The following RBPJ variants were observed in gnomAD, a reference collection of about 807,000 sequenced individuals.
RBPJ encodes recombining binding protein suppressor of hairless.
A neutral mutation model predicts 67.8 loss-of-function variants in RBPJ; 9 were observed. The observed-to-expected ratio is 0.13, with a 90% CI of 0.08 to 0.23. The LOEUF is 0.23. Among genes scored for constraint, RBPJ ranks in the 10% least tolerant of loss-of-function variants. The pLI is 1.00. For missense variants in RBPJ, 305 were observed against 595.6 expected (o/e 0.51, Z 5.08); for synonymous variants, 198 against 203.3 (o/e 0.97, Z 0.22).
At chr4:26,287,455 G>A (rs1477627786) in intron 1 of RBPJ, among the ~76,000 whole-genome samples, 1 of 151,078 alleles carries the variant, frequency 6.6e-6, no homozygotes, top group South Asian at 2.1e-4. Context: ...CAGAAGGCTC[G>A]AGTGGGAAGA....
intron 1 of RBPJ, among the ~76,000 whole-genome samples, chr4:26,336,275 G>A (rs141987942): frequency 6.6e-6 from 1 of 152,288 alleles, no homozygotes; most frequent in African/African-American, 2.4e-5. Flanking sequence ...ACATGCTCAT[G>A]TCTGTTTCTT....
intron 1 of RBPJ, among the ~76,000 whole-genome samples, chr4:26,218,468 G>C (rs1381036315): frequency 2.0e-5 from 3 of 152,176 alleles, no homozygotes; most frequent in Non-Finnish European, 4.4e-5. Flanking sequence ...AATCCCCAAA[G>C]CACTAAAGTG....
At chr4:26,284,643 A>T (rs1028603714) in intron 1 of RBPJ, among the ~76,000 whole-genome samples, 1 of 151,442 alleles carries the variant, frequency 6.6e-6, no homozygotes, top group African/African-American at 2.4e-5. Context: ...TAATTTTTCT[A>T]TTTTTGGTGG....
intron 2 of RBPJ, among the ~76,000 whole-genome samples, chr4:26,399,168 TC>T (rs1029847826): frequency 6.6e-6 from 1 of 152,222 alleles, no homozygotes; most frequent in Admixed American, 6.5e-5. Flanking sequence ...CATTGCACTT[TC>T]TTCCCTTCCT....
At chr4:26,349,087 T>TAC (rs1553867469) in intron 1 of RBPJ, among the ~76,000 whole-genome samples, 1 of 67,652 alleles carries the variant, frequency 1.5e-5, no homozygotes, top group African/African-American at 4.2e-5. Context: ...TGTGTGTGTG[T>TAC]GCGCGCGCGC....
intron 1 of RBPJ, among the ~76,000 whole-genome samples, chr4:26,308,208 G>A (rs1044409373): frequency 1.3e-5 from 2 of 152,150 alleles, no homozygotes; most frequent in African/African-American, 2.4e-5. Flanking sequence ...CCCGGGAGGC[G>A]GAGCTTGCAG....
chr4:26,234,599 C>G (rs903867454), intron 1 of RBPJ, among the ~76,000 whole-genome samples: 1 of 152,152 alleles, frequency 6.6e-6, no homozygotes, highest in African/African-American at 2.4e-5. Context: ...CTCCACAAAC[C>G]CTGTCTCTGT....
At chr4:26,391,152 A>C (rs1350443847) in intron 2 of RBPJ, among the ~76,000 whole-genome samples, 1 of 152,244 alleles carries the variant, frequency 6.6e-6, no homozygotes, top group African/African-American at 2.4e-5. Context: ...GCTTTTTTGT[A>C]ACAGTTGACA....
chr4:26,106,945 A>G, the RBPJ span, among the ~76,000 whole-genome samples: 2 of 152,218 alleles, frequency 1.3e-5, no homozygotes, highest in Non-Finnish European at 1.5e-5. Context: ...TTTTTTATCC[A>G]GGAAATCTTT....
At chr4:26,410,067 G>C (rs1223643723) in intron 3 of RBPJ, 2 of 454,742 alleles carry the variant, frequency 4.4e-6, no homozygotes, top group Non-Finnish European at 8.8e-6. Flanking sequence ...GACTGCTAAT[G>C]CTAATCTAGC....
chr4:26,304,245 T>G (rs1044350898), intron 1 of RBPJ, among the ~76,000 whole-genome samples: 4 of 152,256 alleles, frequency 2.6e-5, no homozygotes, highest in African/African-American at 7.2e-5. Context: ...TTTTATATCT[T>G]CATCAGTTGA....
intron 1 of RBPJ, among the ~76,000 whole-genome samples, chr4:26,189,519 G>A (rs1208304358): frequency 1.3e-5 from 2 of 152,106 alleles, no homozygotes; most frequent in African/African-American, 4.8e-5. Flanking sequence ...TTAGCCGGAT[G>A]TGGTGGCGCA....
chr4:26,250,328 CTT>C (rs869105820), intron 1 of RBPJ, among the ~76,000 whole-genome samples: 218 of 120,656 alleles, frequency 1.8e-3, no homozygotes, highest in African/African-American at 5.8e-3. Flanking sequence ...GACTCCATTC[CTT>C]TTTTTTTTTT....
chr4:26,175,466 C>T (rs1716763985), intron 1 of RBPJ, among the ~76,000 whole-genome samples: 1 of 152,202 alleles, frequency 6.6e-6, no homozygotes, highest in Admixed American at 6.5e-5. Flanking sequence ...AGTACAGACC[C>T]GCATCACATC....
the RBPJ span, among the ~76,000 whole-genome samples, chr4:26,146,206 C>T: frequency 6.6e-6 from 1 of 152,170 alleles, no homozygotes. Context: ...TTCGGCCTCC[C>T]AAAGTGCTGA....
chr4:26,174,298 G>A (rs911588084), intron 1 of RBPJ, among the ~76,000 whole-genome samples: 1 of 152,126 alleles, frequency 6.6e-6, no homozygotes, highest in African/African-American at 2.4e-5. Context: ...TATTTCTAGA[G>A]CTTCGGGGAG....
At position 26,430,091 on chromosome 4, in the gene RBPJ, G is replaced by A; in HGVS notation, c.1044+38G>A. 6.2e-7 allele frequency: 1 copy of A among 1,606,800 alleles called. No homozygotes were observed. Among genetic ancestry groups the A allele is most frequent in the Non-Finnish European group, 8.5e-7 (1 of 1,174,098 alleles). ...AGTCCAAGTTGGCCTTCAGCTCTTT[G>A]CAGCTACTCTCAGCTGTGACCTGGC... On this transcript the variant is annotated intron_variant, in intron 9 of 10. Transcript: ENST00000355476. This position sits in a 1 kb window ranked among gnomAD's most constrained non-coding sequence, Gnocchi z 4.1.
intron 1 of RBPJ, among the ~76,000 whole-genome samples, chr4:26,255,397 C>A (rs1720287163): frequency 1.1e-5 from 1 of 93,918 alleles, no homozygotes; most frequent in Non-Finnish European, 1.9e-5. Flanking sequence ...GAGCGAGACT[C>A]CGTCTCAAAA....
At chr4:26,253,774 T>C (rs1338947439) in intron 1 of RBPJ, among the ~76,000 whole-genome samples, 2 of 148,966 alleles carry the variant, frequency 1.3e-5, no homozygotes, top group Non-Finnish European at 2.9e-5. Flanking sequence ...CTTCAGATCA[T>C]AAACTGGAAA....
Sources: gnomAD v4.1 joint callset for allele counts (sites outside exome capture counted in the v4.1 genomes callset) on GRCh38, gnomAD v4.1.1 for gene constraint, Gnocchi (gnomAD v3.1) non-coding constraint, MANE v1.5 for transcripts, NCBI Gene and HGNC (gene_info 2026-07-23, HGNC 2026-07-21) for gene names.